SYT14: variants seen among roughly 807,000 people sequenced by gnomAD.
SYT14 encodes the protein synaptotagmin-14.
A neutral mutation model predicts 74.2 loss-of-function variants in SYT14; 32 were observed. The ratio of observed to expected loss-of-function variants is 0.43; its 90% CI spans 0.33 to 0.58. The LOEUF (loss-of-function observed/expected upper bound fraction) is 0.58, where lower values mean the gene tolerates loss of function less well. Ranked by LOEUF, SYT14 falls within the 20% of genes least tolerant of loss-of-function variation. The pLI, the probability that SYT14 is intolerant of heterozygous loss-of-function variation, is 0.05. For synonymous variants in SYT14, 298 were observed against 337.7 expected (o/e 0.88, Z 1.29); for missense variants, 791 against 981.8 (o/e 0.81, Z 2.60).
rs941323523 is a variant in SYT14 at position 210,059,461 on chromosome 1, G to T, written c.1313-34861G>T. 3.5e-3 allele frequency among the ~76,000 whole-genome samples: 462 copies of T among 132,038 alleles called. 4 individuals are homozygous for T. The highest frequency in any genetic ancestry group is 7.3e-3 in the African/African-American group (241 of 32,864). 86.6% of individuals were successfully genotyped at this position (132,038 alleles called of 152,430 possible). On this transcript the variant is annotated intron_variant, in intron 5 of 9. Transcript: ENST00000637265. The stretch of plus-strand genomic sequence containing the variant: ...ATATATATATATATATAGAGAGAGA[G>T]AGAGAGAGAGAGAGAGAGAGAGAGA...
chr1:210,053,521 A>T (rs536728517), intron 5 of SYT14, among the ~76,000 whole-genome samples: 1 of 152,242 alleles, frequency 6.6e-6, no homozygotes, highest in African/African-American at 2.4e-5. Flanking sequence ...TATTAAGTCT[A>T]TGAAGAATGG....
intron 2 of SYT14, chr1:209,965,817 G>A: frequency 2.4e-6 from 1 of 420,120 alleles, no homozygotes; most frequent in Non-Finnish European, 4.7e-6. Flanking sequence ...TCTGTGAAAT[G>A]CCTTTATCCT....
intron 7 of SYT14, among the ~76,000 whole-genome samples, chr1:210,138,423 G>A (rs920876359): frequency 6.6e-6 from 1 of 152,156 alleles, no homozygotes; most frequent in African/African-American, 2.4e-5. Context: ...TGAGATTTGG[G>A]TGGGGACACA....
At chr1:210,009,080 G>A (rs1320934182) in intron 2 of SYT14, among the ~76,000 whole-genome samples, 2 of 152,110 alleles carry the variant, frequency 1.3e-5, no homozygotes, top group Non-Finnish European at 2.9e-5. Context: ...TTTGTGTTGG[G>A]CTGCATTCAA....
At position 209,953,306 on chromosome 1, in the gene SYT14, A is replaced by C. The variant is rs1292203617; in HGVS notation, c.-486+550A>C. The C allele has an allele frequency of 4.0e-6, 5 of 1,240,442 alleles. No homozygotes were observed. In the South Asian group the frequency reaches 6.3e-5, roughly 16 times the overall value. The allele number at this position is 1,240,442 out of a possible 1,614,324, so 76.8% of individuals were successfully genotyped here. The stretch of plus-strand genomic sequence containing the variant: ...AGGCAAGGAATCAGGTATTCTCTAG[A>C]TTTGGAAGAATCAGGAGAACCTTGG... On this transcript the variant is annotated intron_variant, in intron 2 of 9. Coordinates refer to ENST00000637265, the Ensembl canonical transcript of SYT14.
intron 5 of SYT14, among the ~76,000 whole-genome samples, chr1:210,033,258 T>C (rs1050638470): frequency 1.3e-5 from 2 of 151,856 alleles, no homozygotes; most frequent in African/African-American, 2.4e-5. Flanking sequence ...AGTATATAAA[T>C]TATACATTAT....
intron 7 of SYT14, among the ~76,000 whole-genome samples, chr1:210,138,005 G>C (rs1479597621): frequency 6.6e-6 from 1 of 151,972 alleles, no homozygotes; most frequent in African/African-American, 2.4e-5. Flanking sequence ...ATTTAAAATG[G>C]TAAATAAAAA....
intron 5 of SYT14, among the ~76,000 whole-genome samples, chr1:210,090,296 A>G (rs1039035358): frequency 1.8e-4 from 27 of 152,058 alleles, no homozygotes; most frequent in African/African-American, 6.3e-4. Flanking sequence ...CATGCTTCCA[A>G]TTTGTGAAAT....
chr1:210,065,504 C>T (rs1482201715), intron 5 of SYT14, among the ~76,000 whole-genome samples: 1 of 151,710 alleles, frequency 6.6e-6, no homozygotes, highest in African/African-American at 2.4e-5. Flanking sequence ...GTCAGTTAAA[C>T]CTCTTTCCTT....
intron 5 of SYT14, among the ~76,000 whole-genome samples, chr1:210,025,214 G>A (rs752559477): frequency 6.6e-6 from 1 of 152,208 alleles, no homozygotes; most frequent in East Asian, 1.9e-4. Flanking sequence ...CCTTGGCAAA[G>A]CTGCGTCTGC....
At chr1:210,030,575 T>C (rs1236939260) in intron 5 of SYT14, among the ~76,000 whole-genome samples, 1 of 152,204 alleles carries the variant, frequency 6.6e-6, no homozygotes, top group Admixed American at 6.5e-5. Flanking sequence ...ACACCTTTTA[T>C]TTCTTTTTCT....
chr1:209,955,385 C>T (rs554911764), intron 2 of SYT14, among the ~76,000 whole-genome samples: 4 of 152,178 alleles, frequency 2.6e-5, no homozygotes, highest in East Asian at 3.8e-4. Context: ...TTACGCAACT[C>T]CTAACTTAAG....
exon 8 of SYT14, chr1:210,155,774 C>T (rs2083256260): frequency 6.2e-6 from 10 of 1,613,894 alleles, no homozygotes; most frequent in Middle Eastern, 1.6e-4. Context: ...AAAGTACATC[C>T]TCATGTCAGT....
intron 7 of SYT14, among the ~76,000 whole-genome samples, chr1:210,112,089 T>C (rs1278666943): frequency 6.6e-6 from 1 of 151,312 alleles, no homozygotes; most frequent in African/African-American, 2.5e-5. Context: ...CAAGGAATTA[T>C]GTCTCACAGA....
chr1:210,102,133 G>T (rs920409335), intron 7 of SYT14, among the ~76,000 whole-genome samples: 1 of 152,070 alleles, frequency 6.6e-6, no homozygotes, highest in Non-Finnish European at 1.5e-5. Context: ...AGGGGTACGT[G>T]TGCAGGTTTG....
At chr1:209,979,504 G>T (rs192910053) in intron 2 of SYT14, among the ~76,000 whole-genome samples, 1 of 152,128 alleles carries the variant, frequency 6.6e-6, no homozygotes, top group Non-Finnish European at 1.5e-5. Context: ...TGTTGCAGAG[G>T]TAAATGTGTG....
In SYT14 at chr1:210,100,909, C is replaced by G. The variant is rs957131978; in HGVS notation, c.2034+448C>G. Among the ~76,000 whole-genome samples the G allele has an allele frequency of 1.3e-5, 2 of 152,046 alleles. 1 individual carries two copies. Among genetic ancestry groups the G allele is most frequent in the East Asian group, 3.9e-4 (2 of 5,188 alleles). The stretch of plus-strand genomic sequence containing the variant: ...AATATATATACCGCTCCCTAGGTCC[C>G]GACTGGATATGTTTCCAGAACTTCT... On this transcript the variant is annotated intron_variant, in intron 7 of 9. Coordinates refer to ENST00000637265, the Ensembl canonical transcript of SYT14.
At chr1:210,147,180 G>C (rs2083058291) in intron 7 of SYT14, among the ~76,000 whole-genome samples, 1 of 151,572 alleles carries the variant, frequency 6.6e-6, no homozygotes, top group Non-Finnish European at 1.5e-5. Context: ...CAAAAAAAAA[G>C]AATAAGACAA....
intron 5 of SYT14, among the ~76,000 whole-genome samples, chr1:210,057,110 G>T (rs1264369997): frequency 1.3e-5 from 2 of 152,072 alleles, no homozygotes; most frequent in East Asian, 3.9e-4. Flanking sequence ...CTCCCAAAGT[G>T]CAGGGATTAC....
Sources: gnomAD v4.1 joint callset for allele counts (sites outside exome capture counted in the v4.1 genomes callset) on GRCh38, gnomAD v4.1.1 for gene constraint, MANE v1.5 for transcripts, NCBI Gene and HGNC (gene_info 2026-07-23, HGNC 2026-07-21) for gene names.